The following NR2C1 variants were observed in gnomAD, a reference collection of about 807,000 sequenced individuals.
NR2C1 encodes the protein TR2 nuclear hormone receptor.
A neutral mutation model predicts 74.8 loss-of-function variants in NR2C1; 33 were observed. The observed-to-expected ratio is 0.44, with a 90% confidence interval of 0.33 to 0.59. NR2C1 has a LOEUF of 0.59. Ranked by LOEUF, NR2C1 falls within the 20% of genes least tolerant of loss-of-function variation. The pLI is 0.02. For missense variants in NR2C1, 568 were observed against 715.6 expected (o/e 0.79, Z 2.35); for synonymous variants, 225 against 240.6 (o/e 0.94, Z 0.60).
At chr12:95,042,216 TATC>T (rs1166148094) in intron 9 of NR2C1, among the ~76,000 whole-genome samples, 1 of 148,728 alleles carries the variant, frequency 6.7e-6, no homozygotes, top group African/African-American at 2.5e-5. Context: ...TTCTCAAAGG[TATC>T]TTTTTTTTTT....
chr12:95,040,119 A>C (rs535591424), intron 10 of NR2C1, among the ~76,000 whole-genome samples: 34 of 152,188 alleles, frequency 2.2e-4, no homozygotes, highest in African/African-American at 7.9e-4. Flanking sequence ...ATGAACACTG[A>C]AACAGTAGTG....
chr12:95,059,785 T>C, intron 4 of NR2C1, 121 bp downstream of exon 4: 1 of 682,790 alleles, frequency 1.5e-6, no homozygotes, highest in Non-Finnish European at 2.3e-6. Context: ...GACATACTCC[T>C]TTATTTCTCT....
chr12:95,071,311 A>G (rs1446973111), intron 1 of NR2C1, among the ~76,000 whole-genome samples: 1 of 152,156 alleles, frequency 6.6e-6, no homozygotes, highest in African/African-American at 2.4e-5. Flanking sequence ...TCAGAAATAG[A>G]TTTCTGTTAA....
chr12:95,052,158 G>GTT (rs201217929), intron 7 of NR2C1, among the ~76,000 whole-genome samples: 89 of 141,078 alleles, frequency 6.3e-4, no homozygotes, highest in Non-Finnish European at 1.0e-3. Flanking sequence ...ATGTTACTTT[G>GTT]TTTTTTTTTT....
intron 12 of NR2C1, 88 bp downstream of exon 12, chr12:95,028,299 T>G: frequency 9.1e-7 from 1 of 1,104,338 alleles, no homozygotes; most frequent in Non-Finnish European, 1.3e-6. Context: ...CTGCACCATT[T>G]TACATCCCCA....
In NR2C1 at chr12:95,057,632, A is replaced by G. The variant is rs201894351; in HGVS notation, c.704T>C (p.Leu235Pro). 128 of 1,613,652 alleles carry G rather than the reference A, an allele frequency of 7.9e-5. No homozygotes were observed. The highest frequency in any genetic ancestry group is 5.0e-5 in the Admixed American group (3 of 59,920). Residue 235 changes from leucine to proline, a missense_variant, in exon 7 of 14, where the codon CTG (leucine) becomes CCG (proline). Physicochemically the swap from Leu to Pro is moderately conservative, Grantham distance 98. Transcript: ENST00000333003. ...ATTCATGAACATTCCTGAATCTAAC[A>G]GTCCTGTTGACCTGTAACAAATCAG... ...TDSESTRSTGLLDSGMFMNIH... is the reference protein window; with the variant it reads ...TDSESTRSTGPLDSGMFMNIH...
chr12:95,051,738 A>T, intron 8 of NR2C1, 24 bp downstream of exon 8: 1 of 1,570,202 alleles, frequency 6.4e-7, no homozygotes, highest in Non-Finnish European at 8.6e-7. Context: ...ACAAAAGGAC[A>T]TTGATAATCA....
chr12:95,072,096 T>A (rs909302172), intron 1 of NR2C1, among the ~76,000 whole-genome samples: 1 of 148,840 alleles, frequency 6.7e-6, no homozygotes, highest in Non-Finnish European at 1.5e-5. Flanking sequence ...TCAGATATAC[T>A]AACTGGACTT....
intron 11 of NR2C1, 108 bp downstream of exon 11, chr12:95,031,241 C>CTT (rs1284650114): frequency 2.2e-6 from 2 of 921,654 alleles, no homozygotes; most frequent in Non-Finnish European, 3.0e-6. Context: ...GCATTGGTAC[C>CTT]TAAAACACTA....
At chr12:95,048,857 C>T (rs1164416269) in intron 9 of NR2C1, among the ~76,000 whole-genome samples, 1 of 152,060 alleles carries the variant, frequency 6.6e-6, no homozygotes, top group African/African-American at 2.4e-5. Context: ...CTCCTGACCT[C>T]AGGTGATCTG....
intron 13 of NR2C1, among the ~76,000 whole-genome samples, chr12:95,023,144 T>A (rs1392838305): frequency 2.0e-5 from 3 of 151,504 alleles, no homozygotes. Context: ...AAAATAATAA[T>A]AAAATAAAAT....
chr12:95,046,424 C>G (rs1274817891), intron 9 of NR2C1, among the ~76,000 whole-genome samples: 1 of 152,016 alleles, frequency 6.6e-6, no homozygotes, highest in Non-Finnish European at 1.5e-5. Context: ...CATCTCTACA[C>G]AAAAATTTTT....
At chr12:95,028,931 C>T (rs1869709037) in intron 11 of NR2C1, among the ~76,000 whole-genome samples, 1 of 151,664 alleles carries the variant, frequency 6.6e-6, no homozygotes, top group Non-Finnish European at 1.5e-5. Flanking sequence ...GCCTGGCCTT[C>T]CTCTCATGAA....
At chr12:95,037,531 G>A (rs914297061) in intron 10 of NR2C1, among the ~76,000 whole-genome samples, 2 of 152,174 alleles carry the variant, frequency 1.3e-5, no homozygotes, top group Non-Finnish European at 2.9e-5. Context: ...TTCAGAAAAT[G>A]ATTAATGTTG....
chr12:95,053,015 ACT>A (rs1873255935), intron 7 of NR2C1, among the ~76,000 whole-genome samples: 1 of 150,932 alleles, frequency 6.6e-6, no homozygotes, highest in Non-Finnish European at 1.5e-5. Flanking sequence ...ACAGAGTCTC[ACT>A]CTGTCACCCA....
At chr12:95,041,229 T>G (rs1212720662) in intron 9 of NR2C1, among the ~76,000 whole-genome samples, 1 of 152,144 alleles carries the variant, frequency 6.6e-6, no homozygotes, top group African/African-American at 2.4e-5. Context: ...GGCTCGTGCC[T>G]ATAATCCCAG....
chr12:95,046,260 C>T (rs901617047), intron 9 of NR2C1, among the ~76,000 whole-genome samples: 1 of 152,222 alleles, frequency 6.6e-6, no homozygotes, highest in Non-Finnish European at 1.5e-5. Context: ...AACATCTCTA[C>T]ATCTCTTTCT....
chr12:95,031,907 G>A (rs562629035), intron 10 of NR2C1, among the ~76,000 whole-genome samples: 93 of 152,200 alleles, frequency 6.1e-4, no homozygotes, highest in Non-Finnish European at 1.2e-3. Flanking sequence ...TTGCTCTGTT[G>A]CCCAGGCTGG....
rs1228799133 is a variant in NR2C1, at chr12:95,022,211, G to C, written c.*18C>G. ...CTGGCAAAGAACAGTTAAGTTTACAGCACTGCAGTCACAGTTTTCAAATGC... is the reference window on the plus strand; with the variant it reads ...CTGGCAAAGAACAGTTAAGTTTACACCACTGCAGTCACAGTTTTCAAATGC... On this transcript the variant is annotated 3_prime_UTR_variant, in exon 14 of 14. Coordinates refer to ENST00000333003, the MANE Select transcript of NR2C1 (RefSeq NM_003297.4). The C allele has an allele frequency of 6.3e-7, 1 of 1,596,446 alleles. No individual in the cohort carries two copies. The highest frequency in any genetic ancestry group is 8.5e-7 in the Non-Finnish European group (1 of 1,172,088).
Sources: allele counts gnomAD v4.1 joint callset (sites outside exome capture counted in the v4.1 genomes callset), GRCh38; gene constraint gnomAD v4.1.1; transcripts MANE v1.5; gene names NCBI Gene and HGNC (gene_info 2026-07-23, HGNC 2026-07-21).